SLIT1: variants seen among roughly 807,000 people sequenced by gnomAD.
The protein encoded by SLIT1 is slit guidance ligand 1.
In SLIT1, 66 loss-of-function variants were observed where a neutral mutation model predicts 186.1. The observed-to-expected ratio is 0.35, with a 90% CI of 0.29 to 0.44. The LOEUF (loss-of-function observed/expected upper bound fraction) is 0.44. Ranked by LOEUF, SLIT1 falls within the 20% of genes least tolerant of loss-of-function variation. The pLI, the probability that SLIT1 is intolerant of heterozygous loss-of-function variation, is 1.00. For missense variants in SLIT1, 1,638 were observed against 2,037.4 expected (o/e 0.80, Z 3.77); for synonymous variants, 761 against 833.8 (o/e 0.91, Z 1.50).
At chr10:97,080,160 C>T (rs576121225) in intron 4 of SLIT1, among the ~76,000 whole-genome samples, 8 of 152,214 alleles carry the variant, frequency 5.3e-5, no homozygotes, top group South Asian at 2.1e-4. Flanking sequence ...AGGGGGACTT[C>T]GGGGAATGGT....
At position 97,043,655 on chromosome 10, in the gene SLIT1, C is replaced by G. The variant is rs1848710483; in HGVS notation, c.1854-142G>C. 1.2e-6 allele frequency: 1 copy of G among 826,020 alleles called. No homozygotes were observed. The highest frequency in any genetic ancestry group is 1.9e-6 in the Non-Finnish European group (1 of 527,318). The allele number at this position is 826,020 out of a possible 1,614,324, so 51.2% of individuals were successfully genotyped here. ...CCGCAGAGCCAGGAACACGCACCAG[C>G]CAGGCCCCGGCCAGGTGAGGCGAGT... On this transcript the variant is annotated intron_variant, in intron 18 of 36. Transcript: ENST00000266058. This position sits in a 1 kb window ranked among gnomAD's most constrained non-coding sequence, Gnocchi z 7.0.
rs750860330 is a variant in SLIT1, at chr10:97,004,854, C to T, written c.3580-31G>A. On this transcript the variant is annotated intron_variant, in intron 32 of 36. Coordinates refer to ENST00000266058, the MANE Select transcript of SLIT1 (RefSeq NM_003061.3). This position sits in a 1 kb window ranked among gnomAD's most constrained non-coding sequence, Gnocchi z 5.1. ...GGGCAGTGGCACTTTCTCTCCCACC[C>T]CACCCCATGCAGCAGCGGCACAGGC... 4.3e-6 allele frequency: 7 copies of T among 1,613,764 alleles called. No individual in the cohort carries two copies. The highest frequency in any genetic ancestry group is 2.2e-5 in the South Asian group (2 of 91,032).
Position 97,043,561 on chromosome 10 carries a change from G to GCCAT in SLIT1, c.1854-52_1854-49dup, listed in dbSNP as rs759298222. 2.5e-6 allele frequency: 4 copies of GCCAT among 1,571,226 alleles called. No individual in the cohort carries two copies. Among genetic ancestry groups the GCCAT allele is most frequent in the Non-Finnish European group, 3.5e-6 (4 of 1,148,356 alleles). On this transcript the variant is annotated intron_variant, in intron 18 of 36. Coordinates refer to ENST00000266058, the MANE Select transcript of SLIT1 (RefSeq NM_003061.3). This position sits in a 1 kb window ranked among gnomAD's most constrained non-coding sequence, Gnocchi z 7.0. ...GGAGGGGACCCTTGCTGCCCTGCCA[G>GCCAT]CCATCCACCTGGGCCACGCAGCTTC...
intron 4 of SLIT1, among the ~76,000 whole-genome samples, chr10:97,114,562 G>A (rs891642496): frequency 1.3e-5 from 2 of 152,174 alleles, no homozygotes; most frequent in African/African-American, 4.8e-5. Flanking sequence ...TGGAGCCTGA[G>A]GTGGGAGGAT....
At chr10:97,115,762 T>C (rs1455662297) in intron 4 of SLIT1, among the ~76,000 whole-genome samples, 1 of 152,220 alleles carries the variant, frequency 6.6e-6, no homozygotes, top group Non-Finnish European at 1.5e-5. Context: ...CACCCGGCCT[T>C]CTCACTGTAC....
intron 34 of SLIT1, 39 bp from the exon 35 acceptor site, chr10:97,003,031 C>A: frequency 1.3e-6 from 2 of 1,584,770 alleles, no homozygotes; most frequent in Admixed American, 1.7e-5. Context: ...CTGAGTAAAG[C>A]TCGGGCTATG....
rs756480506 is a variant in SLIT1, at chr10:97,059,462, C to A, written c.1083G>T (p.Ser361=). ...GAAGCCTTGGCACTGCTACTCACAG[C>A]GAGTTCAGGGAGCGGAGGCCCTGGA... The part of the protein sequence containing the change: ...DAFQGLRSLN[S]LVLYGNKITD... The change falls in exon 11 of 37, where the codon TCG becomes TCT. Residue 361 remains serine, a splice_region_variant and synonymous_variant. Coordinates refer to ENST00000266058, the MANE Select transcript of SLIT1 (RefSeq NM_003061.3). 6.2e-7 allele frequency: 1 copy of A among 1,613,164 alleles called. No homozygotes were observed. The highest frequency in any genetic ancestry group is 8.5e-7 in the Non-Finnish European group (1 of 1,179,582).
chr10:97,139,610 A>C (rs1849737979), intron 4 of SLIT1, among the ~76,000 whole-genome samples: 1 of 152,206 alleles, frequency 6.6e-6, no homozygotes, highest in African/African-American at 2.4e-5. Context: ...GGGGAACCTC[A>C]TGGAAGCTGT....
At chr10:97,035,188 G>A (rs1163054692) in intron 22 of SLIT1, among the ~76,000 whole-genome samples, 2 of 152,152 alleles carry the variant, frequency 1.3e-5, no homozygotes, top group Non-Finnish European at 2.9e-5. Context: ...GGGGGCCTTT[G>A]GCTGTGCCTC....
At chr10:97,049,195 G>A (rs190110563) in intron 13 of SLIT1, 77 bp from the exon 14 acceptor site, 24 of 1,513,342 alleles carry the variant, frequency 1.6e-5, no homozygotes, top group Admixed American at 1.1e-4. Context: ...ACAGGGCCTC[G>A]TTGTGGCTGG....
chr10:97,120,297 T>C (rs1018751958), intron 4 of SLIT1, among the ~76,000 whole-genome samples: 2 of 151,978 alleles, frequency 1.3e-5, no homozygotes, highest in Non-Finnish European at 2.9e-5. Context: ...CCAAATGGCT[T>C]TGGGGCTCTG....
chr10:97,051,939 C>T (rs1342631893), intron 13 of SLIT1, among the ~76,000 whole-genome samples: 1 of 151,946 alleles, frequency 6.6e-6, no homozygotes, highest in Non-Finnish European at 1.5e-5. Context: ...CTGGAATGGA[C>T]AAGCAAATTG....
intron 4 of SLIT1, among the ~76,000 whole-genome samples, chr10:97,111,665 T>C (rs1849465787): frequency 6.6e-6 from 1 of 152,232 alleles, no homozygotes. Flanking sequence ...AATGTTTTGC[T>C]TTGATAATGC....
At chr10:97,028,630 C>A (rs1370813474) in intron 25 of SLIT1, among the ~76,000 whole-genome samples, 1 of 152,206 alleles carries the variant, frequency 6.6e-6, no homozygotes, top group African/African-American at 2.4e-5. Flanking sequence ...ATAAATGGTA[C>A]CTCCTCTGTG....
chr10:97,168,601 A>G lies in SLIT1; in HGVS notation c.198-3711T>C, dbSNP rs146587881. Among the ~76,000 whole-genome samples the G allele has an allele frequency of 1.9e-3, 295 of 152,326 alleles. 2 individuals are homozygous for G. The highest frequency in any genetic ancestry group is 0.017 in the Middle Eastern group (5 of 294). The stretch of plus-strand genomic sequence containing the variant: ...ATAAAGTGTCCCTTCATTTGGGTAT[A>G]TCAAGTTACTGGACCACTCCCTCCC... On this transcript the variant is annotated intron_variant, in intron 1 of 36. Transcript: ENST00000266058.
In SLIT1 at chr10:97,040,097, G is replaced by T; in HGVS notation, c.2188C>A (p.Pro730Thr). 1 of 1,588,344 alleles carries T rather than the reference G, an allele frequency of 6.3e-7. No individual in the cohort carries two copies. The highest frequency in any genetic ancestry group is 1.2e-5 in the South Asian group (1 of 86,496). The change falls in exon 21 of 37, where the codon CCC becomes ACC. Residue 730 changes from proline to threonine, a missense_variant. Pro to Thr is a conservative substitution (Grantham distance 38). This residue lies in a region of SLIT1 where 1,245 missense variants were observed against 1,535.3 expected (regional missense o/e 0.81). Transcript: ENST00000266058. ...EEGQEEGGCL[P>T]RPQCPQECAC... ...CACTCCTGTGGGCACTGTGGGCGGG[G>T]CAGGCAGCCCCCCTCCTCCTGGCCT...
rs1373339509 is a variant in SLIT1 at position 97,046,972 on chromosome 10, T to C, written c.1709+19A>G. ...GGCCAGCATCCCAACAGACACCTTCTCGCCAATGGGTAACTCACATTTTCT... is the reference window on the plus strand; with the variant it reads ...GGCCAGCATCCCAACAGACACCTTCCCGCCAATGGGTAACTCACATTTTCT... On this transcript the variant is annotated intron_variant, in intron 17 of 36. Transcript: ENST00000266058. 1.3e-6 allele frequency: 2 copies of C among 1,599,078 alleles called. No homozygotes were observed. Among genetic ancestry groups the C allele is most frequent in the African/African-American group, 1.3e-5 (1 of 74,718 alleles).
At chr10:97,169,263 CA>C (rs1263872487) in intron 1 of SLIT1, among the ~76,000 whole-genome samples, 1 of 152,200 alleles carries the variant, frequency 6.6e-6, no homozygotes, top group Non-Finnish European at 1.5e-5. Context: ...TGCCTCCTCT[CA>C]GGGGAGAGCC....
At chr10:97,097,672 G>A (rs1849305901) in intron 4 of SLIT1, among the ~76,000 whole-genome samples, 1 of 152,178 alleles carries the variant, frequency 6.6e-6, no homozygotes, top group African/African-American at 2.4e-5. Context: ...GCCCCCTCCA[G>A]GAAGTCTTCC....
Sources: gnomAD v4.1 joint callset for allele counts (sites outside exome capture counted in the v4.1 genomes callset) on GRCh38, gnomAD v4.1.1 for gene constraint, gnomAD v4.1.1 regional missense constraint, Gnocchi (gnomAD v3.1) non-coding constraint, MANE v1.5 for transcripts, NCBI Gene and HGNC (gene_info 2026-07-23, HGNC 2026-07-21) for gene names.